Variants in PTK2 observed in about 807,000 individuals in gnomAD.
PTK2 encodes focal adhesion kinase 1.
PTK2 carries 45 observed loss-of-function variants against 150.1 expected under a neutral mutation model. That is an observed-to-expected ratio of 0.30 (90% CI 0.24 to 0.38). PTK2 has a LOEUF of 0.38. PTK2 is among the 10% of genes least tolerant of loss of function. The pLI is 1.00. For missense variants in PTK2, 919 were observed against 1,307.3 expected (o/e 0.70, Z 4.58); for synonymous variants, 432 against 449.2 (o/e 0.96, Z 0.48).
At chr8:141,000,603 C>T (rs1429358539) in intron 1 of PTK2, among the ~76,000 whole-genome samples, 3 of 152,002 alleles carry the variant, frequency 2.0e-5, no homozygotes, top group Non-Finnish European at 4.4e-5. Context: ...TGCGCGCCCC[C>T]AGAGCCCCGG....
At chr8:140,986,666 C>A (rs897533931) in intron 1 of PTK2, among the ~76,000 whole-genome samples, 8 of 152,192 alleles carry the variant, frequency 5.3e-5, no homozygotes, top group African/African-American at 1.9e-4. Flanking sequence ...AGGCTACACA[C>A]CTCCAGAGAG....
chr8:140,809,704 A>G (rs2100100290), intron 10 of PTK2, among the ~76,000 whole-genome samples: 1 of 152,086 alleles, frequency 6.6e-6, no homozygotes, highest in Non-Finnish European at 1.5e-5. Context: ...TACTTGGGAG[A>G]CTGAGGCAGG....
chr8:140,752,036 T>C (rs2100063025), intron 17 of PTK2, 196 bp downstream of exon 20: 1 of 700,526 alleles, frequency 1.4e-6, no homozygotes, highest in Non-Finnish European at 2.6e-6. Context: ...CCTTTACACA[T>C]AAAACATGAT....
chr8:140,767,691 G>A (rs2100073128), intron 14 of PTK2, among the ~76,000 whole-genome samples: 1 of 152,058 alleles, frequency 6.6e-6, no homozygotes, highest in South Asian at 2.1e-4. Context: ...TTGCCATGTT[G>A]CCCACGCTGG....
chr8:140,845,806 CTAATA>C (rs1160051055), intron 7 of PTK2, among the ~76,000 whole-genome samples: 2 of 152,156 alleles, frequency 1.3e-5, no homozygotes, highest in African/African-American at 4.8e-5. Context: ...TTAATACAAT[CTAATA>C]TAACAGTCTG....
In PTK2 at chr8:140,739,868, G is replaced by A. The variant is rs909448152; in HGVS notation, c.1736-761C>T. Reference sequence around the variant, plus strand: ...GCCTTGCTGAACCTCAGCTGCATATGTGGGTATTAGGGAATACTCAATTTT... The same window carrying A: ...GCCTTGCTGAACCTCAGCTGCATATATGGGTATTAGGGAATACTCAATTTT... On this transcript the variant is annotated intron_variant, in intron 20 of 31. Transcript: ENST00000522684. Among the ~76,000 whole-genome samples the A allele has an allele frequency of 3.3e-5, 5 of 152,334 alleles. No homozygotes were observed. In the East Asian group the frequency reaches 9.6e-4, roughly 29 times the overall value.
chr8:140,975,721 C>T (rs951280572), intron 1 of PTK2, among the ~76,000 whole-genome samples: 1 of 152,230 alleles, frequency 6.6e-6, no homozygotes, highest in East Asian at 1.9e-4. Context: ...GGAAGTCTGC[C>T]GACCCCTGAG....
chr8:140,994,531 G>A (rs969314454), intron 1 of PTK2, among the ~76,000 whole-genome samples: 12 of 151,934 alleles, frequency 7.9e-5, no homozygotes, highest in Non-Finnish European at 1.2e-4. Context: ...TTTATTTTTA[G>A]AGGCAGGGTC....
intron 22 of PTK2, among the ~76,000 whole-genome samples, chr8:140,728,721 A>T (rs1418969324): frequency 6.6e-6 from 1 of 151,986 alleles, no homozygotes; most frequent in Non-Finnish European, 1.5e-5. Context: ...GGGTTTTACC[A>T]TGTTGGCCAG....
At chr8:140,773,129 T>A (rs938962263) in intron 14 of PTK2, among the ~76,000 whole-genome samples, 1 of 152,364 alleles carries the variant, frequency 6.6e-6, no homozygotes, top group Admixed American at 6.5e-5. Flanking sequence ...TTCTTTATAC[T>A]AACTTAAAAA....
intron 27 of PTK2, among the ~76,000 whole-genome samples, chr8:140,681,587 C>G (rs1290246148): frequency 6.6e-6 from 1 of 151,972 alleles, no homozygotes; most frequent in Admixed American, 6.6e-5. Context: ...ACCATCCCGG[C>G]TAACACAGTG....
In PTK2 at chr8:140,705,509, G is replaced by A. The variant is rs574704094; in HGVS notation, c.2229+610C>T. On this transcript the variant is annotated intron_variant, in intron 24 of 31. Coordinates refer to ENST00000522684, the Ensembl canonical transcript of PTK2. ...GAAGGGGCACAAAGGAACTGCCGGG[G>A]TCACAGACACGCTCTATATCCTGAA... Among the ~76,000 whole-genome samples, 125 of 152,310 alleles carry A rather than the reference G, an allele frequency of 8.2e-4. 1 individual carries two copies. The Middle Eastern group carries it at 0.02, about 25-fold the overall frequency.
intron 4 of PTK2, among the ~76,000 whole-genome samples, chr8:140,867,950 C>T (rs542327475): frequency 3.3e-5 from 5 of 152,314 alleles, no homozygotes; most frequent in African/African-American, 1.2e-4. Flanking sequence ...TTTTAAGAGT[C>T]TAGTTGCATC....
At chr8:140,688,349 AC>A (rs1329877162) in intron 26 of PTK2, among the ~76,000 whole-genome samples, 8 of 152,174 alleles carry the variant, frequency 5.3e-5, no homozygotes, top group South Asian at 2.1e-4. Flanking sequence ...ATATAAAAAA[AC>A]ATGTTCCCTT....
chr8:140,755,467 C>A (rs1049280197), intron 16 of PTK2, among the ~76,000 whole-genome samples: 1 of 152,146 alleles, frequency 6.6e-6, no homozygotes, highest in Admixed American at 6.5e-5. Context: ...TGTCCTGCCC[C>A]GCCTCATGGC....
intron 5 of PTK2, among the ~76,000 whole-genome samples, chr8:140,852,345 TTTTC>T (rs942216619): frequency 4.6e-5 from 7 of 152,238 alleles, no homozygotes; most frequent in African/African-American, 1.2e-4. Context: ...GCAACAGGGA[TTTTC>T]TTTGTGTCCA....
chr8:140,745,003 C>T (rs936094869), intron 18 of PTK2, among the ~76,000 whole-genome samples: 14 of 151,850 alleles, frequency 9.2e-5, no homozygotes, highest in South Asian at 2.1e-4. Flanking sequence ...TTTTGACTAA[C>T]GACAAATTTC....
chr8:140,778,039 A>AAG (rs1409087588), intron 14 of PTK2, among the ~76,000 whole-genome samples: 1 of 152,236 alleles, frequency 6.6e-6, no homozygotes, highest in Non-Finnish European at 1.5e-5. Flanking sequence ...CTTGGGAATG[A>AAG]GATCTTTCCC....
At chr8:140,959,564 G>T (rs1276085193) in intron 1 of PTK2, among the ~76,000 whole-genome samples, 1 of 148,010 alleles carries the variant, frequency 6.8e-6, no homozygotes, top group Non-Finnish European at 1.5e-5. Context: ...AAAAAGTAGT[G>T]TAAGAGTGAT....
Sources: gnomAD v4.1 joint callset for allele counts (sites outside exome capture counted in the v4.1 genomes callset) on GRCh38, gnomAD v4.1.1 for gene constraint, MANE v1.5 for transcripts, NCBI Gene and HGNC (gene_info 2026-07-23, HGNC 2026-07-21) for gene names.